The following CCAR2 variants were observed in gnomAD, a reference collection of about 807,000 sequenced individuals.
The protein encoded by CCAR2 is cell cycle and apoptosis regulator 2, also known as cell cycle and apoptosis regulator protein 2.
In CCAR2, 21 loss-of-function variants were observed where a neutral mutation model predicts 108.1. The ratio of observed to expected loss-of-function variants is 0.19; its 90% CI spans 0.14 to 0.28. The LOEUF is 0.28. Ranked by LOEUF, CCAR2 falls within the 10% of genes least tolerant of loss-of-function variation. The pLI, the probability that CCAR2 is intolerant of heterozygous loss-of-function variation, is 1.00. For missense variants in CCAR2, 1,126 were observed against 1,177.0 expected, an observed-to-expected ratio of 0.96 and a Z score of 0.63; for synonymous variants, 577 against 472.8, an observed-to-expected ratio of 1.22 and a Z score of -2.86.
chr8:22,607,817 G>C, intron 6 of CCAR2, 152 bp from the exon 7 acceptor site: 1 of 641,596 alleles, frequency 1.6e-6, no homozygotes, highest in South Asian at 2.0e-5. Context: ...GTGGAGACGG[G>C]GTTTCACCAT....
Position 22,619,137 on chromosome 8 carries a change from C to G in CCAR2, c.2522-13C>G, listed in dbSNP as rs199680350. On this transcript the variant is annotated splice_polypyrimidine_tract_variant and intron_variant, in intron 19 of 20. Transcript: ENST00000308511. ...ATGGAGCAGCCGTCCCCGTTTCCTT[C>G]TCCACCTTGCAGAGGAGAGCCATAA... is the stretch of plus-strand genomic sequence containing the variant. The G allele has an allele frequency of 6.2e-7, 1 of 1,603,708 alleles. No individual in the cohort carries two copies. The highest frequency in any genetic ancestry group is 8.5e-7 in the Non-Finnish European group (1 of 1,174,444).
chr8:22,608,074 A>G lies in CCAR2; in HGVS notation c.584+9A>G. Reference sequence around the variant, plus strand: ...TTGGATCAGGGCCGAAGGTAAGAGGATGATGTCCCTTTTTTTGGCCACTTG... The same window carrying G: ...TTGGATCAGGGCCGAAGGTAAGAGGGTGATGTCCCTTTTTTTGGCCACTTG... On this transcript the variant is annotated intron_variant, in intron 7 of 20. Transcript: ENST00000308511. 6.2e-7 allele frequency: 1 copy of G among 1,604,168 alleles called. No homozygotes were observed. Among genetic ancestry groups the G allele is most frequent in the Non-Finnish European group, 8.5e-7 (1 of 1,174,376 alleles).
chr8:22,614,051 A>G (rs770729470), intron 8 of CCAR2, 41 bp from the exon 9 acceptor site: 3 of 1,542,314 alleles, frequency 1.9e-6, no homozygotes, highest in Non-Finnish European at 8.9e-7. Flanking sequence ...CGAATGTTTT[A>G]GTCTTTGCTC....
chr8:22,608,729 T>G (rs1014765762), intron 7 of CCAR2, among the ~76,000 whole-genome samples: 9 of 152,244 alleles, frequency 5.9e-5, no homozygotes, highest in Non-Finnish European at 1.2e-4. Flanking sequence ...AGTGTTTTGC[T>G]TATACCTCTA....
chr8:22,606,045 G>A (rs371166029), intron 2 of CCAR2, 40 bp from the exon 3 acceptor site: 1 of 1,554,998 alleles, frequency 6.4e-7, no homozygotes, highest in Non-Finnish European at 8.9e-7. Context: ...GCTTAAGGTG[G>A]TAGGGGCGGT....
chr8:22,611,783 CTCA>C (rs1801292297), intron 7 of CCAR2, among the ~76,000 whole-genome samples: 1 of 151,656 alleles, frequency 6.6e-6, no homozygotes, highest in South Asian at 2.1e-4. Context: ...GTTTTTTACT[CTCA>C]GTTTATGCTG....
chr8:22,616,824 GAAA>G (rs1211912329), intron 14 of CCAR2, among the ~76,000 whole-genome samples: 1 of 69,170 alleles, frequency 1.4e-5, no homozygotes, highest in Non-Finnish European at 3.1e-5. Context: ...TCTCAAAAAA[GAAA>G]AAAAAAGATT....
chr8:22,619,907 A>ATCTT lies in CCAR2; in HGVS notation c.*227_*230dup, dbSNP rs779088346. On this transcript the variant is annotated 3_prime_UTR_variant, in exon 21 of 21. Coordinates refer to ENST00000308511, the MANE Select transcript of CCAR2 (RefSeq NM_001393997.1). Reference sequence around the variant, plus strand: ...GTTCCACTTAACAACTAAATACAACATCTTTTGCACCCCTAGAATGTCATT... The same window carrying ATCTT: ...GTTCCACTTAACAACTAAATACAACATCTTTCTTTTGCACCCCTAGAATGTCATT... 64 of 577,420 alleles carry ATCTT rather than the reference A, an allele frequency of 1.1e-4. No individual in the cohort carries two copies. Among genetic ancestry groups the ATCTT allele is most frequent in the African/African-American group, 1.7e-4 (9 of 53,536 alleles). The allele number at this position is 577,420 out of a possible 1,614,324, so 35.8% of individuals were successfully genotyped here. A position where few individuals can be genotyped will look rare whatever the true frequency, so the allele number is the denominator to read the frequency against.
chr8:22,617,574 G>A lies in CCAR2; in HGVS notation c.1990+10G>A, dbSNP rs1331054919. The A allele has an allele frequency of 2.5e-5, 40 of 1,603,154 alleles. No individual in the cohort carries two copies. Among genetic ancestry groups the A allele is most frequent in the Non-Finnish European group, 3.1e-5 (36 of 1,173,870 alleles). ...GGAGAGGAGGAGTTTGGTATGTTGA[G>A]TGGTGAGAGGGGAGCTTGCAGGCTT... On this transcript the variant is annotated intron_variant, in intron 15 of 20. Transcript: ENST00000308511.
Position 22,615,007 on chromosome 8 carries a change from T to C in CCAR2, c.1205+6T>C. The stretch of plus-strand genomic sequence containing the variant: ...TTGAGCGGCTGTACCAAGTGGTGAG[T>C]GGGCTTCCTGAGCCTCAGCTGCACC... On this transcript the variant is annotated splice_donor_region_variant and intron_variant, in intron 11 of 20. Transcript: ENST00000308511. 6.4e-7 allele frequency: 1 copy of C among 1,555,564 alleles called. No individual in the cohort carries two copies. The highest frequency in any genetic ancestry group is 8.7e-7 in the Non-Finnish European group (1 of 1,148,702).
chr8:22,608,612 G>A (rs1048381865), intron 7 of CCAR2, among the ~76,000 whole-genome samples: 1 of 152,076 alleles, frequency 6.6e-6, no homozygotes, highest in African/African-American at 2.4e-5. Context: ...GGGCCTTTAG[G>A]GTATCCTGGT....
rs1191126005 is a variant in CCAR2, at chr8:22,620,465, A to C, written c.*783A>C. ...TGTTTTTTAAATAAACCAAAGTCAA[A>C]AACAAACTGAGAGTGTGTCCTCCAC... On this transcript the variant is annotated 3_prime_UTR_variant, in exon 21 of 21. Coordinates refer to ENST00000308511, the MANE Select transcript of CCAR2 (RefSeq NM_001393997.1). 3.4e-5 allele frequency: 5 copies of C among 147,666 alleles called. No homozygotes were observed. The Admixed American group carries it at 3.5e-4, about 10-fold the overall frequency. The allele number at this position is 147,666 out of a possible 1,614,324, so 9.1% of individuals were successfully genotyped here. A position where few individuals can be genotyped will look rare whatever the true frequency, so the allele number is the denominator to read the frequency against.
At chr8:22,617,044 C>T (rs1192773374) in intron 14 of CCAR2, among the ~76,000 whole-genome samples, 3 of 151,508 alleles carry the variant, frequency 2.0e-5, no homozygotes, top group African/African-American at 7.2e-5. Flanking sequence ...CCACCATGCC[C>T]AGCTAATTTT....
intron 7 of CCAR2, 93 bp from the exon 8 acceptor site, chr8:22,612,924 G>C: frequency 7.4e-7 from 1 of 1,356,838 alleles, no homozygotes; most frequent in Non-Finnish European, 1.0e-6. Context: ...TGAATGTGAG[G>C]GATTTCGATT....
intron 14 of CCAR2, 37 bp from the exon 15 acceptor site, chr8:22,617,383 C>T: frequency 2.0e-6 from 3 of 1,516,832 alleles, no homozygotes; most frequent in Non-Finnish European, 1.8e-6. Context: ...ATGGTAACTG[C>T]CTGCCTTTTC....
rs200313808 is a variant in CCAR2, at chr8:22,618,327, C to G, written c.2074-22C>G. On this transcript the variant is annotated intron_variant, in intron 16 of 20. Transcript: ENST00000308511. Reference sequence around the variant, plus strand: ...CTGAGGGAACTATTTGCAAATCCTGCTCATCTTTGTTTTCTTTGCAGCCCA... The same window carrying G: ...CTGAGGGAACTATTTGCAAATCCTGGTCATCTTTGTTTTCTTTGCAGCCCA... 1.1e-5 allele frequency: 18 copies of G among 1,614,050 alleles called. No homozygotes were observed. In the South Asian group the frequency reaches 2.0e-4, roughly 18 times the overall value.
downstream of CCAR2, chr8:22,621,452 G>A (rs771677112): frequency 3.1e-6 from 5 of 1,613,716 alleles, 1 homozygote; most frequent in South Asian, 5.5e-5. Context: ...AGAGGGCCCG[G>A]AGCTCACTGA....
At chr8:22,610,102 A>G (rs1801218740) in intron 7 of CCAR2, among the ~76,000 whole-genome samples, 1 of 152,194 alleles carries the variant, frequency 6.6e-6, no homozygotes, top group Non-Finnish European at 1.5e-5. Flanking sequence ...CAAGCATTTC[A>G]GATAAGGGAT....
rs369123974 is a variant in CCAR2 at position 22,618,787 on chromosome 8, G to T, written c.2333-40G>T. 5 of 1,613,168 alleles carry T rather than the reference G, an allele frequency of 3.1e-6. No individual in the cohort carries two copies. In the East Asian group the frequency reaches 1.1e-4, roughly 36 times the overall value. ...ACGGGCAGGGCAGGCTGCCCTCTCT[G>T]GAGACTCCATCCTGAATTCTTTTTC... On this transcript the variant is annotated intron_variant, in intron 18 of 20. Transcript: ENST00000308511.
Sources: gnomAD v4.1 joint callset for allele counts (sites outside exome capture counted in the v4.1 genomes callset) on GRCh38, gnomAD v4.1.1 for gene constraint, MANE v1.5 for transcripts, NCBI Gene and HGNC (gene_info 2026-07-23, HGNC 2026-07-21) for gene names.